DACH2: variants seen among roughly 807,000 people sequenced by gnomAD.
DACH2 encodes the protein dachshund family transcription factor 2.
DACH2 carries 17 observed loss-of-function variants against 35.8 expected under a neutral mutation model. That is an observed-to-expected ratio of 0.48 (90% CI 0.33 to 0.71). The LOEUF is 0.71. DACH2 is among the 30% of genes least tolerant of loss of function. The pLI is 0.02. For synonymous variants in DACH2, 195 were observed against 177.3 expected (o/e 1.10, Z -0.79); for missense variants, 469 against 472.7 (o/e 0.99, Z 0.07).
intron 3 of DACH2, among the ~76,000 whole-genome samples, chrX:86,524,403 A>G (rs906190081): frequency 8.9e-6 from 1 of 112,332 alleles, no homozygotes; most frequent in Non-Finnish European, 1.9e-5. Flanking sequence ...AGTATGCTTC[A>G]TATCATATAA....
intron 6 of DACH2, among the ~76,000 whole-genome samples, chrX:86,730,612 G>A (rs902629840): frequency 9.0e-6 from 1 of 111,538 alleles, no homozygotes; most frequent in East Asian, 2.8e-4. Context: ...AATCACTATT[G>A]TGTATCAGGT....
intron 3 of DACH2, among the ~76,000 whole-genome samples, chrX:86,649,456 T>A (rs2040453451): frequency 9.0e-6 from 1 of 111,106 alleles, no homozygotes; most frequent in Non-Finnish European, 1.9e-5. Flanking sequence ...GTTTAAATCA[T>A]TGCCATCATA....
chrX:86,765,697 G>GTTTTTTTTTTTTTTTTTTTTTTTTTTT (rs2041925172), intron 7 of DACH2, among the ~76,000 whole-genome samples: 1 of 35,233 alleles, frequency 2.8e-5, no homozygotes, highest in African/African-American at 1.1e-4. Context: ...GTTGTTTTTT[G>GTTTTTTTTTTTTTTTTTTTTTTTTTTT]GTTTTTTTTT....
At chrX:86,240,418 C>T (rs1001989720) in intron 1 of DACH2, among the ~76,000 whole-genome samples, 5 of 102,324 alleles carry the variant, frequency 4.9e-5, no homozygotes, top group African/African-American at 1.8e-4. Context: ...GTATATTCAT[C>T]ACCATGGTGG....
chrX:86,260,672 A>G (rs1402286469), intron 1 of DACH2, among the ~76,000 whole-genome samples: 2 of 112,184 alleles, frequency 1.8e-5, no homozygotes, highest in Non-Finnish European at 3.8e-5. Flanking sequence ...GTCCTTTTAC[A>G]AAATCCAAAG....
chrX:86,630,874 G>A (rs2040193180), intron 3 of DACH2, among the ~76,000 whole-genome samples: 1 of 111,107 alleles, frequency 9.0e-6, no homozygotes, highest in African/African-American at 3.3e-5. Context: ...AAAGGTAACT[G>A]CAAATTCACT....
chrX:86,777,773 C>T (rs765903467), intron 7 of DACH2, among the ~76,000 whole-genome samples: 99 of 111,353 alleles, frequency 8.9e-4, no homozygotes, highest in Non-Finnish European at 1.4e-3. Flanking sequence ...ACACCACTTT[C>T]TGCTGTCATC....
At chrX:86,534,329 G>A (rs1339972446) in intron 3 of DACH2, among the ~76,000 whole-genome samples, 1 of 111,970 alleles carries the variant, frequency 8.9e-6, no homozygotes, top group African/African-American at 3.2e-5. Flanking sequence ...AAAGTAGGTT[G>A]TATGAACTAT....
intron 2 of DACH2, among the ~76,000 whole-genome samples, chrX:86,479,146 C>T (rs1457884783): frequency 9.0e-6 from 1 of 111,202 alleles, no homozygotes; most frequent in East Asian, 2.8e-4. Context: ...GTTTCGCTGT[C>T]GATGGCCTGT....
At chrX:86,434,138 G>A (rs957972618) in intron 2 of DACH2, among the ~76,000 whole-genome samples, 1 of 112,012 alleles carries the variant, frequency 8.9e-6, no homozygotes, top group Non-Finnish European at 1.9e-5. Flanking sequence ...AGATGTTAAC[G>A]CTTTAAAAAA....
chrX:86,527,112 A>C (rs1405506086), intron 3 of DACH2, among the ~76,000 whole-genome samples: 2 of 111,534 alleles, frequency 1.8e-5, no homozygotes, highest in Non-Finnish European at 3.8e-5. Context: ...TATTGGGTGA[A>C]AATTTAATAA....
intron 3 of DACH2, among the ~76,000 whole-genome samples, chrX:86,640,618 A>T (rs1157393709): frequency 1.8e-5 from 2 of 110,929 alleles, no homozygotes; most frequent in African/African-American, 6.6e-5. Context: ...AAACACTGAG[A>T]TCGCCTAGGA....
At chrX:86,751,717 G>C (rs184391188) in intron 7 of DACH2, among the ~76,000 whole-genome samples, 1 of 110,759 alleles carries the variant, frequency 9.0e-6, no homozygotes, top group Non-Finnish European at 1.9e-5. Context: ...AGGCAGGAAG[G>C]AAGGAAATAG....
At chrX:86,786,420 A>C (rs191752562) in intron 7 of DACH2, among the ~76,000 whole-genome samples, 1 of 111,873 alleles carries the variant, frequency 8.9e-6, no homozygotes, top group Admixed American at 9.5e-5. Context: ...CCAAGCCACG[A>C]GCCATATGCC....
chrX:86,610,904 C>A (rs1182273651), intron 3 of DACH2, among the ~76,000 whole-genome samples: 1 of 111,234 alleles, frequency 9.0e-6, no homozygotes. Flanking sequence ...GGTGCTCCCC[C>A]ACCCTGTAGC....
intron 1 of DACH2, chrX:86,161,095 T>C: frequency 9.2e-7 from 1 of 1,084,963 alleles, no homozygotes; most frequent in Non-Finnish European, 1.3e-6. Flanking sequence ...AATGCTACTG[T>C]GTTGGGGTTG....
At chrX:86,634,109 G>C (rs2148390997) in intron 3 of DACH2, among the ~76,000 whole-genome samples, 1 of 110,717 alleles carries the variant, frequency 9.0e-6, no homozygotes, top group South Asian at 3.8e-4. Context: ...AGGAGAGAGA[G>C]AGCAAGTGAA....
chrX:86,290,029 G>C (rs1280147799), intron 1 of DACH2, among the ~76,000 whole-genome samples: 2 of 94,381 alleles, frequency 2.1e-5, no homozygotes, highest in Non-Finnish European at 4.2e-5. Context: ...CTAGTTTACA[G>C]TCCCACCAAC....
At chrX:86,369,254 GATTTT>G (rs2035851637) in intron 1 of DACH2, among the ~76,000 whole-genome samples, 1 of 110,329 alleles carries the variant, frequency 9.1e-6, no homozygotes, top group Admixed American at 9.7e-5. Flanking sequence ...AAGGAACATG[GATTTT>G]ATTTTATTTT....
Sources: gnomAD v4.1 joint callset for allele counts (sites outside exome capture counted in the v4.1 genomes callset) on GRCh38, gnomAD v4.1.1 for gene constraint, MANE v1.5 for transcripts, NCBI Gene and HGNC (gene_info 2026-07-23, HGNC 2026-07-21) for gene names.